VPS18: variants seen among roughly 807,000 people sequenced by gnomAD.
The protein encoded by VPS18 is vacuolar protein sorting-associated protein 18 homolog.
In VPS18, 25 loss-of-function variants were observed where a neutral mutation model predicts 82.0. The ratio of observed to expected loss-of-function variants is 0.30; its 90% CI spans 0.22 to 0.43. VPS18 has a LOEUF of 0.43. VPS18 is among the 20% of genes least tolerant of loss of function. The pLI is 1.00. For missense variants in VPS18, 1,168 were observed against 1,311.1 expected (o/e 0.89, Z 1.69); for synonymous variants, 523 against 543.0 (o/e 0.96, Z 0.51).
Position 40,899,377 on chromosome 15 carries a change from G to T in VPS18, c.559G>T (p.Asp187Tyr). The T allele has an allele frequency of 1.2e-6, 2 of 1,610,212 alleles. No homozygotes were observed. Among genetic ancestry groups the T allele is most frequent in the Non-Finnish European group, 1.7e-6 (2 of 1,176,876 alleles). ...AGGTGGGCTTTTCGGCCCTGCTCCG[G>T]ATCTCTACTTCCGCCCATTGTACGT... Reference protein sequence around the residue: ...SEGGLFGPAPDLYFRPLYVLN... With the variant: ...SEGGLFGPAPYLYFRPLYVLN... Residue 187 changes from aspartate to tyrosine, a missense_variant, in exon 4 of 5, where the codon GAT (aspartate) becomes TAT (tyrosine). Physicochemically the swap from Asp to Tyr is radical, Grantham distance 160. Coordinates refer to ENST00000220509, the MANE Select transcript of VPS18 (RefSeq NM_020857.3). The surrounding 1 kb of genome is among the most constrained non-coding windows in gnomAD (Gnocchi z 4.4).
rs1020638619 is a variant in VPS18, at chr15:40,902,528, G to A, written c.2197-88G>A. 49 of 1,497,530 alleles carry A rather than the reference G, an allele frequency of 3.3e-5. No homozygotes were observed. The highest frequency in any genetic ancestry group is 4.2e-5 in the Non-Finnish European group (47 of 1,123,958). 92.8% of individuals were successfully genotyped at this position (1,497,530 alleles called of 1,614,324 possible). ...CCAGGAGTGCTGGGAATCCTGCCTC[G>A]GGGCCTCTCCTCGGCCATCTCTCTC... On this transcript the variant is annotated intron_variant, in intron 4 of 4. Coordinates refer to ENST00000220509, the MANE Select transcript of VPS18 (RefSeq NM_020857.3). This position sits in a 1 kb window ranked among gnomAD's most constrained non-coding sequence, Gnocchi z 4.2.
chr15:40,900,319 A>G lies in VPS18; in HGVS notation c.1501A>G (p.Ser501Gly), dbSNP rs1360122478. 1.9e-6 allele frequency: 3 copies of G among 1,613,582 alleles called. No homozygotes were observed. Among genetic ancestry groups the G allele is most frequent in the South Asian group, 1.1e-5 (1 of 91,064 alleles). Residue 501 changes from serine (S) to glycine (G), a missense_variant, in exon 4 of 5, where the codon AGC becomes GGC. By Grantham distance (56) the Ser-to-Gly change is moderately conservative. This residue lies in a region of VPS18 where 868 missense variants were observed against 939.8 expected (regional missense o/e 0.92). Transcript: ENST00000220509. This position sits in a 1 kb window ranked among gnomAD's most constrained non-coding sequence, Gnocchi z 5.4. ...LTTWLTELYLSRLGALQGDPE... is the reference protein window; with the variant it reads ...LTTWLTELYLGRLGALQGDPE... ...CACCTGGCTGACAGAGCTCTACCTGAGCCGGCTTGGGGCTCTGCAGGGCGA... is the reference window on the plus strand; with the variant it reads ...CACCTGGCTGACAGAGCTCTACCTGGGCCGGCTTGGGGCTCTGCAGGGCGA...
At position 40,902,852 on chromosome 15, in the gene VPS18, C is replaced by T. The variant is rs1438535877; in HGVS notation, c.2433C>T (p.Ala811=). The T allele has an allele frequency of 5.6e-6, 9 of 1,614,148 alleles. No homozygotes were observed. Among genetic ancestry groups the T allele is most frequent in the Non-Finnish European group, 7.6e-6 (9 of 1,180,054 alleles). ...AGGCGATCTGCAGCTCACTTAAGGC[C>T]TACAACCACCACATCCAGGAGCTGC... ...FKEAICSSLK[A]YNHHIQELQR... is the part of the protein sequence containing the mutation. Residue 811 remains alanine (A), a synonymous_variant, in exon 5 of 5, where the codon GCC becomes GCT. Coordinates refer to ENST00000220509, the MANE Select transcript of VPS18 (RefSeq NM_020857.3). This position sits in a 1 kb window ranked among gnomAD's most constrained non-coding sequence, Gnocchi z 4.2.
At position 40,899,919 on chromosome 15, in the gene VPS18, G is replaced by A. The variant is rs948141523; in HGVS notation, c.1101G>A (p.Lys367=). The A allele has an allele frequency of 6.2e-6, 10 of 1,612,744 alleles. No homozygotes were observed. The part of the protein sequence containing the change: ...DHFLEKFGPL[K]HMVKDSSTGQ... ...TCCTGGAGAAATTTGGGCCGCTGAAGCACATGGTGAAGGACTCCTCCACAG... is the reference window on the plus strand; with the variant it reads ...TCCTGGAGAAATTTGGGCCGCTGAAACACATGGTGAAGGACTCCTCCACAG... Residue 367 remains lysine (K), a synonymous_variant, in exon 4 of 5, where the codon AAG becomes AAA. Transcript: ENST00000220509. This position sits in a 1 kb window ranked among gnomAD's most constrained non-coding sequence, Gnocchi z 4.4.
chr15:40,899,005 A>G lies in VPS18; in HGVS notation c.325+7A>G, dbSNP rs925132680. 3.7e-6 allele frequency: 6 copies of G among 1,613,924 alleles called. No individual in the cohort carries two copies. In the African/African-American group the frequency reaches 8.0e-5, roughly 22 times the overall value. On this transcript the variant is annotated splice_region_variant and intron_variant, in intron 3 of 4. Coordinates refer to ENST00000220509, the MANE Select transcript of VPS18 (RefSeq NM_020857.3). This position sits in a 1 kb window ranked among gnomAD's most constrained non-coding sequence, Gnocchi z 4.4. ...ATGTTCCTTGACCATACTGGTAAGT[A>G]ACAGTGGAGATCTGAGGAGGGGGTC...
Position 40,903,516 on chromosome 15 carries a change from C to T in VPS18, c.*175C>T, listed in dbSNP as rs1035036797. 95 of 852,334 alleles carry T rather than the reference C, an allele frequency of 1.1e-4. No individual in the cohort carries two copies. Among genetic ancestry groups the T allele is most frequent in the Non-Finnish European group, 1.5e-4 (93 of 604,634 alleles). The allele number at this position is 852,334 out of a possible 1,614,324, so 52.8% of individuals were successfully genotyped here. A position where few individuals can be genotyped will look rare whatever the true frequency, so the allele number is the denominator to read the frequency against. On this transcript the variant is annotated 3_prime_UTR_variant, in exon 5 of 5. Coordinates refer to ENST00000220509, the MANE Select transcript of VPS18 (RefSeq NM_020857.3). The stretch of plus-strand genomic sequence containing the variant: ...GGTGTCAGGTGTGAGTGTATTCTGC[C>T]AGCTTTTCATGCTGTTCTTCAGAGC...
rs532000735 is a variant in VPS18 at position 40,900,346 on chromosome 15, C to T, written c.1528C>T (p.Pro510Ser). The change falls in exon 4 of 5, where the codon CCA becomes TCA. Residue 510 changes from proline to serine, a missense_variant. Transcript: ENST00000220509. This position sits in a 1 kb window ranked among gnomAD's most constrained non-coding sequence, Gnocchi z 5.4. ...LSRLGALQGD[P>S]EALTLYRETK... ...CCGGCTTGGGGCTCTGCAGGGCGAC[C>T]CAGAGGCCCTGACTCTCTACCGAGA... 20 of 1,613,658 alleles carry T rather than the reference C, an allele frequency of 1.2e-5. No individual in the cohort carries two copies. Among genetic ancestry groups the T allele is most frequent in the Middle Eastern group, 1.6e-4 (1 of 6,062 alleles).
Position 40,903,084 on chromosome 15 carries a change from G to A in VPS18, c.2665G>A (p.Ala889Thr). The change falls in exon 5 of 5, where the codon GCC (alanine) becomes ACC (threonine). Residue 889 changes from alanine to threonine, a missense_variant. Ala to Thr is a moderately conservative substitution (Grantham distance 58). Transcript: ENST00000220509. ...LLQAVRPGLP[A>T]YKQARLEELQ... ...GCAGGCTGTGCGACCTGGCCTGCCA[G>A]CCTACAAGCAGGCCCGGCTGGAGGA... 6.2e-7 allele frequency: 1 copy of A among 1,613,982 alleles called. No homozygotes were observed. Among genetic ancestry groups the A allele is most frequent in the Non-Finnish European group, 8.5e-7 (1 of 1,179,934 alleles).
Position 40,902,909 on chromosome 15 carries a change from C to T in VPS18, c.2490C>T (p.Ala830=), listed in dbSNP as rs1892384791. 1.9e-6 allele frequency: 3 copies of T among 1,614,264 alleles called. No homozygotes were observed. Among genetic ancestry groups the T allele is most frequent in the African/African-American group, 2.7e-5 (2 of 75,078 alleles). ...QREMEEATAS[A]QRIRRDLQEL... is the part of the protein sequence containing the mutation. ...AGATGGAAGAGGCTACAGCCAGTGC[C>T]CAGCGCATCCGGCGAGACCTGCAGG... The change falls in exon 5 of 5, where the codon GCC becomes GCT. Residue 830 remains alanine (A), a synonymous_variant. Transcript: ENST00000220509. The surrounding 1 kb of genome is among the most constrained non-coding windows in gnomAD (Gnocchi z 4.2).
At position 40,900,445 on chromosome 15, in the gene VPS18, ATC is replaced by A; in HGVS notation, c.1628_1629del (p.Ile543ThrfsTer2). The part of the protein sequence containing the change: ...KEWLFASRAS[I>X]HELLASHGDT... ...GTGGCTCTTTGCCAGCCGGGCCTCT[ATC>A]CATGAGCTGCTCGCCAGTCATGGGG... On this transcript the variant is annotated frameshift_variant, in exon 4 of 5. Transcript: ENST00000220509. LOFTEE classifies it high-confidence loss of function. This position sits in a 1 kb window ranked among gnomAD's most constrained non-coding sequence, Gnocchi z 5.4. The A allele has an allele frequency of 6.2e-7, 1 of 1,613,972 alleles. No individual in the cohort carries two copies. Among genetic ancestry groups the A allele is most frequent in the Non-Finnish European group, 8.5e-7 (1 of 1,179,986 alleles).
Position 40,903,628 on chromosome 15 carries a change from C to A in VPS18, c.*287C>A. 1 of 326,044 alleles carries A rather than the reference C, an allele frequency of 3.1e-6. No homozygotes were observed. The allele number at this position is 326,044 out of a possible 1,614,324, so 20.2% of individuals were successfully genotyped here. A position where few individuals can be genotyped will look rare whatever the true frequency, so the allele number is the denominator to read the frequency against. On this transcript the variant is annotated 3_prime_UTR_variant, in exon 5 of 5. Coordinates refer to ENST00000220509, the MANE Select transcript of VPS18 (RefSeq NM_020857.3). ...AAATCTGACCCAATTCCACCCCCTGCCTCTAGCACCTCTTCTGTCCCTGTC... is the reference window on the plus strand; with the variant it reads ...AAATCTGACCCAATTCCACCCCCTGACTCTAGCACCTCTTCTGTCCCTGTC...
At chr15:40,898,558 G>A (rs575019885) in intron 2 of VPS18, 9 of 316,102 alleles carry the variant, frequency 2.8e-5, no homozygotes, top group African/African-American at 2.0e-4. Flanking sequence ...TGCAACCTCT[G>A]CCTCCCGGGC....
Position 40,899,023 on chromosome 15 carries a change from AG to A in VPS18, c.325+30del. On this transcript the variant is annotated intron_variant, in intron 3 of 4. Coordinates refer to ENST00000220509, the MANE Select transcript of VPS18 (RefSeq NM_020857.3). The surrounding 1 kb of genome is among the most constrained non-coding windows in gnomAD (Gnocchi z 4.4). ...GGTAAGTAACAGTGGAGATCTGAGGAGGGGGTCTCTGGTCAGTCACTGCCTG... is the reference window on the plus strand; with the variant it reads ...GGTAAGTAACAGTGGAGATCTGAGGAGGGGTCTCTGGTCAGTCACTGCCTG... 1 of 1,610,922 alleles carries A rather than the reference AG, an allele frequency of 6.2e-7. No homozygotes were observed. Among genetic ancestry groups the A allele is most frequent in the Non-Finnish European group, 8.5e-7 (1 of 1,178,436 alleles).
At position 40,899,791 on chromosome 15, in the gene VPS18, C is replaced by T. The variant is rs776557796; in HGVS notation, c.973C>T (p.Pro325Ser). ...PEGVGPGASPPLAIVLTQFHF... is the reference protein window; with the variant it reads ...PEGVGPGASPSLAIVLTQFHF... ...GGGGGTAGGGCCTGGGGCCAGCCCACCCCTAGCCATCGTCTTGACCCAGTT... is the reference window on the plus strand; with the variant it reads ...GGGGGTAGGGCCTGGGGCCAGCCCATCCCTAGCCATCGTCTTGACCCAGTT... Residue 325 changes from proline to serine, a missense_variant, in exon 4 of 5, where the codon CCC (proline) becomes TCC (serine). Pro to Ser is a moderately conservative substitution (Grantham distance 74, BLOSUM62 -1). Around this residue, in one of 3 missense-constraint regions of VPS18, gnomAD observed 868 missense variants for 939.8 expected, o/e 0.92. Coordinates refer to ENST00000220509, the MANE Select transcript of VPS18 (RefSeq NM_020857.3). This position sits in a 1 kb window ranked among gnomAD's most constrained non-coding sequence, Gnocchi z 4.4. The T allele has an allele frequency of 8.7e-6, 14 of 1,611,938 alleles. No individual in the cohort carries two copies. Among genetic ancestry groups the T allele is most frequent in the Non-Finnish European group, 1.2e-5 (14 of 1,180,016 alleles).
At chr15:40,901,594 AAAAAAG>A (rs1330649298) in intron 4 of VPS18, among the ~76,000 whole-genome samples, 3 of 151,502 alleles carry the variant, frequency 2.0e-5, no homozygotes, top group African/African-American at 7.3e-5. Context: ...CTCAAAAAAA[AAAAAAG>A]AAAAAGAAAA....
chr15:40,896,026 TGTC>T lies in VPS18; in HGVS notation c.184_186del (p.Val62del). The T allele has an allele frequency of 6.2e-7, 1 of 1,614,202 alleles. No individual in the cohort carries two copies. Among genetic ancestry groups the T allele is most frequent in the Non-Finnish European group, 8.5e-7 (1 of 1,180,046 alleles). ...CCCCTTCCGAGCGCATTACCAGTCT[TGTC>T]GTCTCCAGCAATCAGCTGTGCATGA... On this transcript the variant is annotated inframe_deletion, in exon 2 of 5. Transcript: ENST00000220509.
chr15:40,900,919 C>T lies in VPS18; in HGVS notation c.2101C>T (p.Leu701=). The T allele has an allele frequency of 6.2e-7, 1 of 1,613,654 alleles. No individual in the cohort carries two copies. ...GGTGCATTACGACCTCAAGTATGCG[C>T]TGCGGCTCTGCGCCGAGCATGGCCA... ...HRVHYDLKYA[L]RLCAEHGHHR... is the part of the protein sequence containing the mutation. The change falls in exon 4 of 5, where the codon CTG becomes TTG. Residue 701 remains leucine, a synonymous_variant. Transcript: ENST00000220509. The surrounding 1 kb of genome is among the most constrained non-coding windows in gnomAD (Gnocchi z 5.4).
chr15:40,901,955 T>C (rs750589609), intron 4 of VPS18, among the ~76,000 whole-genome samples: 3 of 152,164 alleles, frequency 2.0e-5, no homozygotes, highest in Non-Finnish European at 4.4e-5. Flanking sequence ...ACATGCACGT[T>C]AGCAGAAGAG....
At position 40,894,862 on chromosome 15, in the gene VPS18, AAGGAAG is replaced by A; in HGVS notation, c.91+8_91+13del. ...TAGCGTGGGCATCCCCCACTCGGGTAAGGAAGAGGAGGGTGCCGCTGCCCCTTTCGG... is the reference window on the plus strand; with the variant it reads ...TAGCGTGGGCATCCCCCACTCGGGTAAGGAGGGTGCCGCTGCCCCTTTCGG... On this transcript the variant is annotated splice_donor_5th_base_variant and intron_variant, in intron 1 of 4. Transcript: ENST00000220509. 1.3e-6 allele frequency: 2 copies of A among 1,550,590 alleles called. No individual in the cohort carries two copies. Among genetic ancestry groups the A allele is most frequent in the Non-Finnish European group, 1.7e-6 (2 of 1,147,618 alleles).
Sources: gnomAD v4.1 joint callset for allele counts (sites outside exome capture counted in the v4.1 genomes callset) on GRCh38, gnomAD v4.1.1 for gene constraint, gnomAD v4.1.1 regional missense constraint, Gnocchi (gnomAD v3.1) non-coding constraint, MANE v1.5 for transcripts, NCBI Gene and HGNC (gene_info 2026-07-23, HGNC 2026-07-21) for gene names.